Variants in CRAT observed in about 807,000 individuals in gnomAD.
CRAT encodes the protein carnitine acetylase.
In CRAT, 66 loss-of-function variants were observed where a neutral mutation model predicts 73.7. The observed-to-expected ratio is 0.90, with a 90% CI of 0.73 to 1.10. CRAT has a LOEUF of 1.10. Ranked by LOEUF, CRAT falls within the 50% of genes least tolerant of loss-of-function variation. The probability of loss-of-function intolerance (pLI) is 0.00; values close to 1 mark genes in which losing one functional copy is unlikely to be tolerated. For synonymous variants in CRAT, 321 were observed against 343.2 expected (o/e 0.94, Z 0.71); for missense variants, 745 against 846.9 (o/e 0.88, Z 1.49).
At chr9:129,096,932 G>A (rs1036102767) in intron 12 of CRAT, among the ~76,000 whole-genome samples, 4 of 152,148 alleles carry the variant, frequency 2.6e-5, no homozygotes, top group African/African-American at 7.2e-5. Flanking sequence ...GCCAGGTGTG[G>A]TGGTGGGTGC....
At chr9:129,102,863 C>G (rs995786385) in intron 4 of CRAT, 150 bp downstream of exon 4, 1 of 808,310 alleles carries the variant, frequency 1.2e-6, no homozygotes, top group African/African-American at 1.7e-5. Context: ...TGGGATGGGA[C>G]AGGGTCACCC....
At position 129,095,020 on chromosome 9, in the gene CRAT, G is replaced by A. The variant is rs370114481; in HGVS notation, c.*377C>T. 4 of 278,772 alleles carry A rather than the reference G, an allele frequency of 1.4e-5. No individual in the cohort carries two copies. Among genetic ancestry groups the A allele is most frequent in the African/African-American group, 6.6e-5 (3 of 45,686 alleles). 17.3% of individuals were successfully genotyped at this position (278,772 alleles called of 1,614,324 possible). A position where few individuals can be genotyped will look rare whatever the true frequency, so the allele number is the denominator to read the frequency against. ...GAAGCAGGGTACAGATGGTGGCCTG[G>A]TCATGGAGTTGGCAGGGAGTGGCCG... On this transcript the variant is annotated 3_prime_UTR_variant, in exon 14 of 14. Transcript: ENST00000318080.
chr9:129,100,613 C>T lies in CRAT; in HGVS notation c.882G>A (p.Arg294=). The change falls in exon 7 of 14, where the codon AGG becomes AGA. Residue 294 remains arginine, a synonymous_variant. Transcript: ENST00000318080. The part of the protein sequence containing the change: ...FTVCLDATMP[R]VSEDVYRSHV... The stretch of plus-strand genomic sequence containing the variant: ...GGCTGCGGTACACGTCTTCTGAGAC[C>T]CTGGGCATGGTTGCATCTAGGCACA... The T allele has an allele frequency of 6.2e-7, 1 of 1,614,082 alleles. No homozygotes were observed. Among genetic ancestry groups the T allele is most frequent in the South Asian group, 1.1e-5 (1 of 91,078 alleles).
At chr9:129,109,290 T>A (rs1185262926) in intron 1 of CRAT, 1 of 1,303,666 alleles carries the variant, frequency 7.7e-7, no homozygotes, top group Non-Finnish European at 1.0e-6. Context: ...GAAATTAGGG[T>A]TGGTGCAAGG....
In CRAT at chr9:129,107,438, A is replaced by G. The variant is rs575215827; in HGVS notation, c.291+376T>C. The G allele has an allele frequency of 6.8e-4, 402 of 594,846 alleles. No individual in the cohort carries two copies. Among genetic ancestry groups the G allele is most frequent in the Non-Finnish European group, 1.1e-3 (367 of 332,930 alleles). 36.8% of individuals were successfully genotyped at this position (594,846 alleles called of 1,614,324 possible). A position where few individuals can be genotyped will look rare whatever the true frequency, so the allele number is the denominator to read the frequency against. On this transcript the variant is annotated intron_variant, in intron 2 of 13. Transcript: ENST00000318080. This position sits in a 1 kb window ranked among gnomAD's most constrained non-coding sequence, Gnocchi z 5.0. The stretch of plus-strand genomic sequence containing the variant: ...ACTGGGTACACCTGTGTCATAGATC[A>G]GATACAGAACCTGGGCGATCGGTCA...
intron 4 of CRAT, among the ~76,000 whole-genome samples, 163 bp from the exon 5 acceptor site, chr9:129,102,728 C>T (rs567549141): frequency 4.5e-4 from 68 of 152,176 alleles, no homozygotes; most frequent in Middle Eastern, 3.4e-3. Context: ...GCAGGGGGCT[C>T]GCTTTCTGCC....
rs772079837 is a variant in CRAT at position 129,095,478 on chromosome 9, G to A, written c.1800C>T (p.Ala600=). 9.3e-6 allele frequency: 15 copies of A among 1,613,326 alleles called. No individual in the cohort carries two copies. Among genetic ancestry groups the A allele is most frequent in the South Asian group, 3.3e-5 (3 of 91,094 alleles). ...TCTCCAGGTAATGCGCCAGGCGGGCGGCGTTGGTCTCCGCGCAGCTGTTGT... is the reference window on the plus strand; with the variant it reads ...TCTCCAGGTAATGCGCCAGGCGGGCAGCGTTGGTCTCCGCGCAGCTGTTGT... ...SAYNSCAETN[A]ARLAHYLEKA... Residue 600 remains alanine (A), a synonymous_variant, in exon 14 of 14, where the codon GCC becomes GCT. Coordinates refer to ENST00000318080, the MANE Select transcript of CRAT (RefSeq NM_000755.5).
rs761296264 is a variant in CRAT at position 129,103,120 on chromosome 9, C to T, written c.411-54G>A. 2.0e-5 allele frequency: 29 copies of T among 1,486,918 alleles called. No homozygotes were observed. Among genetic ancestry groups the T allele is most frequent in the Non-Finnish European group, 2.4e-5 (26 of 1,064,582 alleles). 92.1% of individuals were successfully genotyped at this position (1,486,918 alleles called of 1,614,324 possible). A position where few individuals can be genotyped will look rare whatever the true frequency, so the allele number is the denominator to read the frequency against. On this transcript the variant is annotated intron_variant, in intron 3 of 13. Transcript: ENST00000318080. This position sits in a 1 kb window ranked among gnomAD's most constrained non-coding sequence, Gnocchi z 4.6. ...TGCGTGGACACCCTGAGGGAGGCCCCGGGCTAGGGACACCTGCTTGGGGAG... is the reference window on the plus strand; with the variant it reads ...TGCGTGGACACCCTGAGGGAGGCCCTGGGCTAGGGACACCTGCTTGGGGAG...
chr9:129,096,257 A>G, intron 12 of CRAT, 122 bp from the exon 13 acceptor site: 1 of 1,277,702 alleles, frequency 7.8e-7, no homozygotes, highest in Non-Finnish European at 1.1e-6. Flanking sequence ...ACAAGACCAG[A>G]GTATTCTGGC....
Position 129,096,094 on chromosome 9 carries a change from C to T in CRAT, c.1569G>A (p.Leu523=). 1 of 1,613,882 alleles carries T rather than the reference C, an allele frequency of 6.2e-7. No homozygotes were observed. The highest frequency in any genetic ancestry group is 8.5e-7 in the Non-Finnish European group (1 of 1,180,042). The change falls in exon 13 of 14, where the codon CTG becomes CTA. Residue 523 remains leucine, a synonymous_variant. Transcript: ENST00000318080. ...GEAFDRHLLG[L]KLQAIEDLVS... is the part of the protein sequence containing the mutation. ...CCAGGTCCTCGATGGCCTGCAGCTT[C>T]AGGCCCAGCAGGTGTCGATCAAAGG...
rs765043889 is a variant in CRAT at position 129,107,734 on chromosome 9, G to A, written c.291+80C>T. 2.4e-5 allele frequency: 39 copies of A among 1,602,952 alleles called. No individual in the cohort carries two copies. Among genetic ancestry groups the A allele is most frequent in the African/African-American group, 2.3e-4 (17 of 74,608 alleles). ...ACGAAACTCTGGGCAGCAAACGAACGGCCGTGCCAGAGCAGTGGGCACTGG... is the reference window on the plus strand; with the variant it reads ...ACGAAACTCTGGGCAGCAAACGAACAGCCGTGCCAGAGCAGTGGGCACTGG... On this transcript the variant is annotated intron_variant, in intron 2 of 13. Coordinates refer to ENST00000318080, the MANE Select transcript of CRAT (RefSeq NM_000755.5). The surrounding 1 kb of genome is among the most constrained non-coding windows in gnomAD (Gnocchi z 5.0).
rs937658080 is a variant in CRAT at position 129,097,313 on chromosome 9, C to T, written c.1465-1G>A. 4 of 1,564,596 alleles carry T rather than the reference C, an allele frequency of 2.6e-6. No individual in the cohort carries two copies. In the East Asian group the frequency reaches 7.0e-5, roughly 27 times the overall value. On this transcript the variant is annotated splice_acceptor_variant, in intron 11 of 13. Transcript: ENST00000318080. LOFTEE classifies it high-confidence loss of function. ...GCAGCAGCTCCACCTTCTGGTGCTC[C>T]TAGAGTGGTGAGGGTCAGAGGGAGC...
rs576142583 is a variant in CRAT, at chr9:129,097,280, G to A, written c.1497C>T (p.Ala499=). ...EHQKVELLRK[A]VQAHRGYTDR... is the part of the protein sequence containing the mutation. ...CGGTGTAGCCTCGGTGGGCCTGCAC[G>A]GCCTTCCGCAGCAGCTCCACCTTCT... Residue 499 remains alanine, a synonymous_variant, in exon 12 of 14, where the codon GCC becomes GCT. Coordinates refer to ENST00000318080, the MANE Select transcript of CRAT (RefSeq NM_000755.5). 26 of 1,483,356 alleles carry A rather than the reference G, an allele frequency of 1.8e-5. No individual in the cohort carries two copies. The highest frequency in any genetic ancestry group is 3.2e-5 in the African/African-American group (2 of 62,636). The allele number at this position is 1,483,356 out of a possible 1,614,324, so 91.9% of individuals were successfully genotyped here.
chr9:129,104,663 GGC>G (rs1193734823), intron 2 of CRAT, among the ~76,000 whole-genome samples: 6 of 151,780 alleles, frequency 4.0e-5, no homozygotes, highest in East Asian at 3.9e-4. Flanking sequence ...GGAGTGCAGT[GGC>G]GCAATCTCGG....
intron 2 of CRAT, among the ~76,000 whole-genome samples, chr9:129,105,049 C>T (rs552458437): frequency 5.4e-5 from 8 of 149,374 alleles, no homozygotes; most frequent in East Asian, 2.0e-4. Context: ...TACAGGCGCC[C>T]GCCACTGTGC....
chr9:129,103,033 A>C lies in CRAT; in HGVS notation c.444T>G (p.Asp148Glu), dbSNP rs770115122. The change falls in exon 4 of 14, where the codon GAT (aspartate) becomes GAG (glutamate). Residue 148 changes from aspartate (D) to glutamate (E), a missense_variant. Transcript: ENST00000318080. The surrounding 1 kb of genome is among the most constrained non-coding windows in gnomAD (Gnocchi z 4.6). ...FAAKLIEGVL[D>E]FKVMIDNETL... ...CTCACTTGTCAATCATGACCTTGAA[A>C]TCCAACACACCCTCAATGAGTTTGG... The C allele has an allele frequency of 1.2e-6, 2 of 1,614,130 alleles. No homozygotes were observed. The highest frequency in any genetic ancestry group is 4.5e-5 in the East Asian group (2 of 44,884).
At position 129,098,264 on chromosome 9, in the gene CRAT, T is replaced by A; in HGVS notation, c.1313A>T (p.Gln438Leu). 1 of 1,613,948 alleles carries A rather than the reference T, an allele frequency of 6.2e-7. No homozygotes were observed. The highest frequency in any genetic ancestry group is 8.5e-7 in the Non-Finnish European group (1 of 1,180,030). Reference sequence around the variant, plus strand: ...AGAGGCGCACCTGTAGTAGGCCAGCTGCAAAGCCATCTGGATGAAGGCATC... The same window carrying A: ...AGAGGCGCACCTGTAGTAGGCCAGCAGCAAAGCCATCTGGATGAAGGCATC... ...SPDAFIQMAL[Q>L]LAYYRIYGQA... Residue 438 changes from glutamine to leucine, a missense_variant, in exon 10 of 14, where the codon CAG (glutamine) becomes CTG (leucine). Coordinates refer to ENST00000318080, the MANE Select transcript of CRAT (RefSeq NM_000755.5).
At chr9:129,096,157 C>G (rs201124241) in intron 12 of CRAT, 22 bp from the exon 13 acceptor site, 2 of 1,611,324 alleles carry the variant, frequency 1.2e-6, no homozygotes, top group Non-Finnish European at 1.7e-6. Context: ...GGAGAGCTGT[C>G]AGGAGCAGGG....
chr9:129,098,499 C>T, intron 9 of CRAT, 32 bp downstream of exon 9: 1 of 1,598,784 alleles, frequency 6.3e-7, no homozygotes, highest in Non-Finnish European at 8.5e-7. Context: ...CCTCACCCAT[C>T]CAGCACAGGG....
Sources: gnomAD v4.1 joint callset for allele counts (sites outside exome capture counted in the v4.1 genomes callset) on GRCh38, gnomAD v4.1.1 for gene constraint, Gnocchi (gnomAD v3.1) non-coding constraint, MANE v1.5 for transcripts, NCBI Gene and HGNC (gene_info 2026-07-23, HGNC 2026-07-21) for gene names.